Variants in CFAP52 observed in about 807,000 individuals in gnomAD.
CFAP52 encodes the protein cilia and flagella associated protein 52.
CFAP52 carries 57 observed loss-of-function variants against 70.5 expected under a neutral mutation model. The observed-to-expected ratio is 0.81, with a 90% CI of 0.65 to 1.01. The LOEUF (loss-of-function observed/expected upper bound fraction) is 1.01. Among genes scored for constraint, CFAP52 ranks in the 50% least tolerant of loss-of-function variants. The pLI, the probability that CFAP52 is intolerant of heterozygous loss-of-function variation, is 0.00. For synonymous variants in CFAP52, 267 were observed against 292.5 expected, an observed-to-expected ratio of 0.91 and a Z score of 0.89; for missense variants, 785 against 788.5, an observed-to-expected ratio of 1.00 and a Z score of 0.05.
At position 9,597,803 on chromosome 17, in the gene CFAP52, A is replaced by AAGAGAG. The variant is rs10548437; in HGVS notation, c.537-409_537-404dup. Among the ~76,000 whole-genome samples the AAGAGAG allele has an allele frequency of 7.2e-3, 1,000 of 139,090 alleles. 9 individuals carry two copies. The highest frequency in any genetic ancestry group is 0.017 in the Middle Eastern group (5 of 286). The allele number at this position is 139,090 out of a possible 152,430, so 91.2% of individuals were successfully genotyped here. A position where few individuals can be genotyped will look rare whatever the true frequency, so the allele number is the denominator to read the frequency against. ...GGCAATAGAGTGGGACTCTGTCAGA[A>AAGAGAG]AGAGAGAGAGAGAGAGAGAGAGAGA... On this transcript the variant is annotated intron_variant, in intron 4 of 13. Transcript: ENST00000352665.
At chr17:9,644,185 C>A (rs1911216823), downstream of CFAP52, among the ~76,000 whole-genome samples, 1 of 152,152 alleles carries the variant, frequency 6.6e-6, no homozygotes, top group Admixed American at 6.5e-5. Flanking sequence ...TGCAATGGCG[C>A]GATCTCGGCT....
intron 1 of CFAP52, among the ~76,000 whole-genome samples, chr17:9,580,776 T>C (rs1908188861): frequency 6.6e-6 from 1 of 151,562 alleles, no homozygotes; most frequent in African/African-American, 2.4e-5. Context: ...AAGGGTAATA[T>C]AATAAGGTGA....
At chr17:9,628,282 C>CTT (rs61617597) in intron 8 of CFAP52, among the ~76,000 whole-genome samples, 8 of 139,280 alleles carry the variant, frequency 5.7e-5, no homozygotes, top group Non-Finnish European at 7.9e-5. Context: ...TCCCTATATT[C>CTT]TTTTTTTTTT....
chr17:9,596,829 C>T (rs1909040477), intron 4 of CFAP52, among the ~76,000 whole-genome samples: 1 of 152,092 alleles, frequency 6.6e-6, no homozygotes, highest in Non-Finnish European at 1.5e-5. Context: ...GATTCTCCTG[C>T]CTCAGCCTCC....
intron 13 of CFAP52, among the ~76,000 whole-genome samples, 155 bp downstream of exon 13, chr17:9,641,990 T>A (rs940539996): frequency 2.0e-5 from 3 of 152,124 alleles, no homozygotes; most frequent in Non-Finnish European, 4.4e-5. Context: ...CCAATGTGGC[T>A]GAGAAAGAAA....
At chr17:9,612,919 A>C (rs1239133178) in intron 8 of CFAP52, among the ~76,000 whole-genome samples, 1 of 152,096 alleles carries the variant, frequency 6.6e-6, no homozygotes, top group Non-Finnish European at 1.5e-5. Context: ...ATTACATGAG[A>C]TATTCGACAC....
At chr17:9,630,354 C>T (rs1334324828) in intron 9 of CFAP52, among the ~76,000 whole-genome samples, 1 of 150,590 alleles carries the variant, frequency 6.6e-6, no homozygotes, top group Non-Finnish European at 1.5e-5. Flanking sequence ...GAGGCGTGAG[C>T]CACCGCACCT....
chr17:9,639,556 C>G (rs775143983), intron 12 of CFAP52, among the ~76,000 whole-genome samples: 7 of 152,048 alleles, frequency 4.6e-5, no homozygotes, highest in Non-Finnish European at 8.8e-5. Context: ...TCTCATGAAC[C>G]TTACTTCCCT....
intron 7 of CFAP52, among the ~76,000 whole-genome samples, chr17:9,611,497 G>A (rs1329576577): frequency 6.6e-6 from 1 of 151,738 alleles, no homozygotes; most frequent in African/African-American, 2.4e-5. Context: ...TGGGACTATA[G>A]GTGCGCACCA....
intron 8 of CFAP52, among the ~76,000 whole-genome samples, chr17:9,614,070 C>A (rs1296289589): frequency 6.6e-6 from 1 of 151,380 alleles, no homozygotes. Flanking sequence ...TTTAAACCAT[C>A]TTTTCAATTG....
At chr17:9,587,059 C>T (rs999145787) in intron 3 of CFAP52, among the ~76,000 whole-genome samples, 2 of 152,226 alleles carry the variant, frequency 1.3e-5, no homozygotes, top group Middle Eastern at 3.4e-3. Context: ...TCTGTGTTCC[C>T]TTCTATGTGT....
chr17:9,616,932 C>T (rs1306255797), intron 8 of CFAP52, among the ~76,000 whole-genome samples: 59 of 62,882 alleles, frequency 9.4e-4, no homozygotes, highest in Non-Finnish European at 1.4e-3. Context: ...AACTCTAAAA[C>T]GCAGAGCGCC....
chr17:9,586,042 C>G (rs1042875593), intron 2 of CFAP52, 70 bp downstream of exon 2: 7 of 1,508,674 alleles, frequency 4.6e-6, no homozygotes, highest in Non-Finnish European at 6.4e-6. Context: ...TGCCCCACTT[C>G]AAGTTGTTAG....
At chr17:9,613,482 G>T (rs900121606) in intron 8 of CFAP52, among the ~76,000 whole-genome samples, 1 of 151,080 alleles carries the variant, frequency 6.6e-6, no homozygotes, top group African/African-American at 2.4e-5. Flanking sequence ...GTTTTGTTTT[G>T]TTTTTTGTTT....
At chr17:9,625,423 A>C (rs1267579663) in intron 8 of CFAP52, among the ~76,000 whole-genome samples, 2 of 150,962 alleles carry the variant, frequency 1.3e-5, no homozygotes, top group African/African-American at 4.9e-5. Context: ...TAGCATTGTT[A>C]GCTAGGGATA....
At chr17:9,593,441 T>TTGTTTG (rs1908853381) in intron 3 of CFAP52, among the ~76,000 whole-genome samples, 1 of 152,146 alleles carries the variant, frequency 6.6e-6, no homozygotes, top group South Asian at 2.1e-4. Context: ...AATAATTCTT[T>TTGTTTG]TGTTTGTGTT....
At chr17:9,584,285 T>C (rs760943645) in intron 1 of CFAP52, 2 of 1,287,658 alleles carry the variant, frequency 1.6e-6, no homozygotes, top group South Asian at 2.5e-5. Context: ...GAAGCAGTAG[T>C]GTTACCTTGG....
intron 2 of CFAP52, 132 bp downstream of exon 2, chr17:9,586,104 T>C: frequency 2.2e-6 from 2 of 919,492 alleles, no homozygotes; most frequent in Non-Finnish European, 3.2e-6. Flanking sequence ...TTGACTTCTC[T>C]TTTAACCCAT....
chr17:9,629,738 G>A (rs1391222182), intron 9 of CFAP52, among the ~76,000 whole-genome samples: 2 of 151,838 alleles, frequency 1.3e-5, no homozygotes, highest in African/African-American at 4.8e-5. Context: ...ACAGGCGTGT[G>A]TCATCACGAT....
Sources: allele counts gnomAD v4.1 joint callset (sites outside exome capture counted in the v4.1 genomes callset), GRCh38; gene constraint gnomAD v4.1.1; transcripts MANE v1.5; gene names NCBI Gene and HGNC (gene_info 2026-07-23, HGNC 2026-07-21).